The following AMACR variants were observed in gnomAD, a reference collection of about 807,000 sequenced individuals.
The protein encoded by AMACR is alpha-methylacyl-CoA racemase, also known as 2-methylacyl-CoA racemase.
AMACR carries 18 observed loss-of-function variants against 22.2 expected under a neutral mutation model. The observed-to-expected ratio is 0.81, with a 90% CI of 0.56 to 1.20. The LOEUF (loss-of-function observed/expected upper bound fraction) is 1.20. Ranked by LOEUF, AMACR falls within the 50% of genes most tolerant of loss-of-function variation. The probability of loss-of-function intolerance (pLI) is 0.00; values close to 1 mark genes in which losing one functional copy is unlikely to be tolerated. For synonymous variants in AMACR, 213 were observed against 191.3 expected, an observed-to-expected ratio of 1.11 and a Z score of -0.94; for missense variants, 499 against 490.6, an observed-to-expected ratio of 1.02 and a Z score of -0.16.
At position 34,004,662 on chromosome 5, in the gene AMACR, C is replaced by T; in HGVS notation, c.464G>A (p.Gly155Asp). The change falls in exon 3 of 5, where the codon GGT (glycine) becomes GAT (aspartate). Residue 155 changes from glycine (G) to aspartate (D), a missense_variant. Gly to Asp is a moderately conservative substitution (Grantham distance 94). Transcript: ENST00000335606. ...APLNLLADFA[G>D]GGLMCALGII... is the part of the protein sequence containing the mutation. ...GCCCAGTGCACACATAAGGCCACCA[C>T]CAGCAAAGTCAGCCAGGAGATTCAG... 6.2e-7 allele frequency: 1 copy of T among 1,614,212 alleles called. No homozygotes were observed. The highest frequency in any genetic ancestry group is 2.2e-5 in the East Asian group (1 of 44,880).
intron 1 of AMACR, among the ~76,000 whole-genome samples, chr5:34,007,362 A>T (rs995499844): frequency 1.3e-5 from 2 of 152,188 alleles, no homozygotes; most frequent in African/African-American, 4.8e-5. Flanking sequence ...GGATGGCTTG[A>T]GGGTACAGCA....
At chr5:33,989,821 T>C (rs1317430700) in intron 4 of AMACR, among the ~76,000 whole-genome samples, 1 of 152,170 alleles carries the variant, frequency 6.6e-6, no homozygotes. Flanking sequence ...CCCAGGGTGT[T>C]ATTACCAGTC....
Position 33,988,344 on chromosome 5 carries a change from C to A in AMACR, c.*749G>T. 1 of 1,541,586 alleles carries A rather than the reference C, an allele frequency of 6.5e-7. No homozygotes were observed. The highest frequency in any genetic ancestry group is 8.7e-7 in the Non-Finnish European group (1 of 1,149,136). ...TGTTGCTGTGTGTTGGGTATAAGAT[C>A]CAGAACTTGCTACCAGCCTGAGGAG... On this transcript the variant is annotated 3_prime_UTR_variant, in exon 5 of 5. Coordinates refer to ENST00000335606, the MANE Select transcript of AMACR (RefSeq NM_014324.6).
In AMACR at chr5:33,989,451, C is replaced by A; in HGVS notation, c.791G>T (p.Trp264Leu). Residue 264 changes from tryptophan to leucine, a missense_variant, in exon 5 of 5, where the codon TGG becomes TTG. Transcript: ENST00000335606. ...ELPNQMSMDD[W>L]PEMKKKFADV... ...TGCAAACTTCTTCTTCATTTCTGGC[C>A]AATCATCCATGCTCATCTGATTGGG... is the stretch of plus-strand genomic sequence containing the variant. 6.2e-7 allele frequency: 1 copy of A among 1,614,154 alleles called. No individual in the cohort carries two copies. The highest frequency in any genetic ancestry group is 8.5e-7 in the Non-Finnish European group (1 of 1,180,024).
chr5:33,996,636 T>G (rs187829582), intron 4 of AMACR, among the ~76,000 whole-genome samples: 3 of 113,242 alleles, frequency 2.6e-5, no homozygotes, highest in East Asian at 7.7e-4. Context: ...AAATAAAAAA[T>G]TTTGCCTATA....
At chr5:34,005,262 CA>C (rs1426160986) in intron 2 of AMACR, among the ~76,000 whole-genome samples, 1 of 152,028 alleles carries the variant, frequency 6.6e-6, no homozygotes, top group Non-Finnish European at 1.5e-5. Flanking sequence ...CATGTCGTCA[CA>C]GGCAAAAACT....
At chr5:33,990,682 T>G (rs1440896491) in intron 4 of AMACR, among the ~76,000 whole-genome samples, 2 of 152,256 alleles carry the variant, frequency 1.3e-5, no homozygotes, top group African/African-American at 4.8e-5. Flanking sequence ...TGAATAATCC[T>G]CACTTATAGA....
chr5:33,998,553 C>T (rs1005713559), intron 4 of AMACR, 88 bp downstream of exon 4: 22 of 1,378,604 alleles, frequency 1.6e-5, no homozygotes, highest in African/African-American at 1.3e-4. Flanking sequence ...TAATAAAAGA[C>T]ATCCTAGATG....
Position 33,986,432 on chromosome 5 carries a change from T to C in AMACR, c.*2661A>G, listed in dbSNP as rs1753293298. The C allele has an allele frequency of 6.6e-6, 1 of 152,232 alleles. No individual in the cohort carries two copies. Among genetic ancestry groups the C allele is most frequent in the South Asian group, 2.1e-4 (1 of 4,834 alleles). 9.4% of individuals were successfully genotyped at this position (152,232 alleles called of 1,614,324 possible). A position where few individuals can be genotyped will look rare whatever the true frequency, so the allele number is the denominator to read the frequency against. On this transcript the variant is annotated 3_prime_UTR_variant, in exon 5 of 5. Transcript: ENST00000335606. ...AACAGGTCTGTTTTGTTCATTATGG[T>C]ATCCCCAGCAAGTATCATGATACCT...
intron 4 of AMACR, chr5:33,994,108 T>C: frequency 2.2e-6 from 1 of 455,040 alleles, no homozygotes. Flanking sequence ...GATTAAAGTA[T>C]GGTATCAAAG....
Position 34,007,882 on chromosome 5 carries a change from C to A in AMACR, c.138G>T (p.Leu46Phe). 1 of 1,597,716 alleles carries A rather than the reference C, an allele frequency of 6.3e-7. No individual in the cohort carries two copies. The highest frequency in any genetic ancestry group is 8.5e-7 in the Non-Finnish European group (1 of 1,174,388). ...GCACTAGCGAGCGCTTGCCCCGGCC[C>A]AAGCGGCTCACGTCGTAGCGGGAGC... Reference protein sequence around the residue: ...RPGSRYDVSRLGRGKRSLVLD... With the variant: ...RPGSRYDVSRFGRGKRSLVLD... Residue 46 changes from leucine (L) to phenylalanine (F), a missense_variant, in exon 1 of 5, where the codon TTG becomes TTT. Transcript: ENST00000335606.
In AMACR at chr5:34,005,794, C is replaced by G; in HGVS notation, c.353G>C (p.Arg118Pro). 3 of 1,614,058 alleles carry G rather than the reference C, an allele frequency of 1.9e-6. No homozygotes were observed. Among genetic ancestry groups the G allele is most frequent in the Non-Finnish European group, 2.5e-6 (3 of 1,180,038 alleles). The change falls in exon 2 of 5, where the codon CGG becomes CCG. Residue 118 changes from arginine (R) to proline (P), a missense_variant. Transcript: ENST00000335606. ...SGFGQSGSFC[R>P]LAGHDINYLA... Reference sequence around the variant, plus strand: ...ATAGTTGATATCGTGGCCAGCTAACCGGCAGAAGCTTCCTGACTGGCCAAA... The same window carrying G: ...ATAGTTGATATCGTGGCCAGCTAACGGGCAGAAGCTTCCTGACTGGCCAAA...
intron 3 of AMACR, 108 bp from the exon 4 acceptor site, chr5:33,998,935 G>C (rs1375893201): frequency 2.0e-6 from 2 of 1,006,804 alleles, no homozygotes; most frequent in African/African-American, 3.2e-5. Context: ...TCTTATCTTA[G>C]AGTATACGAA....
At chr5:33,991,962 T>C (rs980146616) in intron 4 of AMACR, among the ~76,000 whole-genome samples, 8 of 152,130 alleles carry the variant, frequency 5.3e-5, no homozygotes, top group Non-Finnish European at 7.4e-5. Flanking sequence ...CACTGCAACC[T>C]CCACCTCCCA....
At position 34,005,802 on chromosome 5, in the gene AMACR, G is replaced by A. The variant is rs774513423; in HGVS notation, c.345C>T (p.Ser115=). 2.5e-6 allele frequency: 4 copies of A among 1,613,986 alleles called. No individual in the cohort carries two copies. In the African/African-American group the frequency reaches 4.0e-5, roughly 16 times the overall value. Residue 115 remains serine (S), a synonymous_variant, in exon 2 of 5, where the codon AGC becomes AGT. Transcript: ENST00000335606. The stretch of plus-strand genomic sequence containing the variant: ...TATCGTGGCCAGCTAACCGGCAGAA[G>A]CTTCCTGACTGGCCAAATCCACTCA... ...ARLSGFGQSG[S]FCRLAGHDIN... is the part of the protein sequence containing the mutation.
intron 3 of AMACR, 148 bp downstream of exon 3, chr5:34,004,426 T>C: frequency 9.8e-7 from 1 of 1,024,758 alleles, no homozygotes; most frequent in African/African-American, 1.6e-5. Flanking sequence ...ATAAGTCTAT[T>C]TTAAAAAGAA....
At chr5:33,992,425 T>G (rs1331594736) in intron 4 of AMACR, among the ~76,000 whole-genome samples, 2 of 151,622 alleles carry the variant, frequency 1.3e-5, no homozygotes, top group East Asian at 3.9e-4. Context: ...CAGAAAATAA[T>G]TGCTGGGTGT....
chr5:33,999,933 CAT>C (rs1315875188), intron 3 of AMACR, among the ~76,000 whole-genome samples: 1 of 152,146 alleles, frequency 6.6e-6, no homozygotes, highest in Non-Finnish European at 1.5e-5. Context: ...CACACACACA[CAT>C]ATATACACAT....
chr5:34,005,979 A>AT, intron 1 of AMACR, 80 bp from the exon 2 acceptor site: 1 of 1,501,430 alleles, frequency 6.7e-7, no homozygotes. Context: ...CAAACATAAA[A>AT]TAGCACCATT....
Sources: allele counts gnomAD v4.1 joint callset (sites outside exome capture counted in the v4.1 genomes callset), GRCh38; gene constraint gnomAD v4.1.1; transcripts MANE v1.5; gene names NCBI Gene and HGNC (gene_info 2026-07-23, HGNC 2026-07-21).